The following ADAMTSL1 variants were observed in gnomAD, a reference collection of about 807,000 sequenced individuals.
The protein encoded by ADAMTSL1 is ADAMTS-like protein 1.
ADAMTSL1 carries 126 observed loss-of-function variants against 201.8 expected under a neutral mutation model. The ratio of observed to expected loss-of-function variants is 0.62; its 90% CI spans 0.54 to 0.72. The LOEUF (loss-of-function observed/expected upper bound fraction) is 0.72, where lower values mean the gene tolerates loss of function less well. Ranked by LOEUF, ADAMTSL1 falls within the 30% of genes least tolerant of loss-of-function variation. The pLI, the probability that ADAMTSL1 is intolerant of heterozygous loss-of-function variation, is 0.00. For missense variants in ADAMTSL1, 2,679 were observed against 2,277.8 expected (o/e 1.18, Z -3.59); for synonymous variants, 1,121 against 903.4 (o/e 1.24, Z -4.32).
At chr9:18,223,973 C>A (rs528428480) in intron 2 of ADAMTSL1, among the ~76,000 whole-genome samples, 2 of 152,152 alleles carry the variant, frequency 1.3e-5, no homozygotes, top group Non-Finnish European at 2.9e-5. Flanking sequence ...TTTAAAAAGC[C>A]ACAGATGTTA....
At chr9:18,409,964 T>C (rs2133306993) in intron 2 of ADAMTSL1, among the ~76,000 whole-genome samples, 1 of 151,748 alleles carries the variant, frequency 6.6e-6, no homozygotes, top group Admixed American at 6.6e-5. Flanking sequence ...TACGTTATAA[T>C]ACAGTCCCAA....
intron 23 of ADAMTSL1, among the ~76,000 whole-genome samples, chr9:18,833,572 T>C (rs1825130604): frequency 6.6e-6 from 1 of 152,234 alleles, no homozygotes; most frequent in Non-Finnish European, 1.5e-5. Flanking sequence ...TAAATTTAAG[T>C]TCCTTATAGA....
chr9:18,498,581 G>A (rs569789141), intron 1 of ADAMTSL1, among the ~76,000 whole-genome samples: 11 of 152,094 alleles, frequency 7.2e-5, no homozygotes, highest in Middle Eastern at 6.8e-3. Context: ...CAGCTGATCC[G>A]CCCGCCTCGG....
chr9:18,315,192 C>G (rs9987494), intron 2 of ADAMTSL1, among the ~76,000 whole-genome samples: 41,135 of 151,876 alleles, frequency 0.27, 6,345 homozygotes, highest in Admixed American at 0.47. Context: ...ACACAGAGTG[C>G]TGATTGGAGC....
At chr9:18,703,355 A>G (rs1274681096) in intron 13 of ADAMTSL1, among the ~76,000 whole-genome samples, 3 of 152,134 alleles carry the variant, frequency 2.0e-5, no homozygotes, top group African/African-American at 4.8e-5. Flanking sequence ...AAAGCCTCCT[A>G]TGAAAAACAG....
At chr9:18,591,328 T>C (rs1203207579) in intron 4 of ADAMTSL1, among the ~76,000 whole-genome samples, 1 of 152,222 alleles carries the variant, frequency 6.6e-6, no homozygotes, top group Non-Finnish European at 1.5e-5. Flanking sequence ...ATGATGTAAG[T>C]TGAGCTACTT....
At chr9:18,528,308 GC>G (rs1370529225) in intron 2 of ADAMTSL1, among the ~76,000 whole-genome samples, 1 of 152,062 alleles carries the variant, frequency 6.6e-6, no homozygotes, top group Non-Finnish European at 1.5e-5. Context: ...TAGGTATTGA[GC>G]CCAGCATTCA....
chr9:18,566,878 C>A (rs774827771), intron 3 of ADAMTSL1, among the ~76,000 whole-genome samples: 3 of 152,134 alleles, frequency 2.0e-5, no homozygotes, highest in African/African-American at 4.8e-5. Flanking sequence ...GACATGATGG[C>A]TCCTTGGACT....
At chr9:18,482,546 ACATCCTGACATAAATTC>A (rs1821781387) in intron 1 of ADAMTSL1, among the ~76,000 whole-genome samples, 1 of 152,216 alleles carries the variant, frequency 6.6e-6, no homozygotes, top group Non-Finnish European at 1.5e-5. Flanking sequence ...ATAACCTAAG[ACATCCTGACATAAATTC>A]CAAGAGCACT....
chr9:18,710,415 C>T (rs573265903), intron 14 of ADAMTSL1, among the ~76,000 whole-genome samples: 47 of 152,350 alleles, frequency 3.1e-4, no homozygotes, highest in African/African-American at 1.1e-3. Context: ...AGAGATTTAA[C>T]ACACAGCACT....
chr9:18,336,501 TAAC>T (rs1563895262), intron 2 of ADAMTSL1, among the ~76,000 whole-genome samples: 1 of 152,138 alleles, frequency 6.6e-6, no homozygotes, highest in Non-Finnish European at 1.5e-5. Flanking sequence ...ATGTTGAAGA[TAAC>T]AATCTGCAGG....
rs185135643 is a variant in ADAMTSL1 at position 18,762,803 on chromosome 9, C to G, written c.2218-7799C>G. Reference sequence around the variant, plus strand: ...TCAGTTAACATAATAACCTCCAGTTCCATCCATGTTGTTGCACATGACTGG... The same window carrying G: ...TCAGTTAACATAATAACCTCCAGTTGCATCCATGTTGTTGCACATGACTGG... On this transcript the variant is annotated intron_variant, in intron 16 of 28. Coordinates refer to ENST00000380548, the MANE Select transcript of ADAMTSL1 (RefSeq NM_001040272.6). Among the ~76,000 whole-genome samples, 129 of 152,278 alleles carry G rather than the reference C, an allele frequency of 8.5e-4. 1 individual carries two copies. The highest frequency in any genetic ancestry group is 7.5e-3 in the South Asian group (36 of 4,826).
At chr9:17,949,077 G>A (rs1354006471) in intron 1 of ADAMTSL1, among the ~76,000 whole-genome samples, 1 of 152,188 alleles carries the variant, frequency 6.6e-6, no homozygotes, top group East Asian at 1.9e-4. Context: ...CCTAAGTATA[G>A]AATGAAGGTA....
intron 2 of ADAMTSL1, among the ~76,000 whole-genome samples, chr9:18,342,498 T>C (rs1471691769): frequency 2.0e-5 from 3 of 152,196 alleles, no homozygotes; most frequent in East Asian, 3.9e-4. Flanking sequence ...TGTCTCATTT[T>C]AGTTACATCT....
chr9:18,323,882 T>C (rs1176617062), intron 2 of ADAMTSL1, among the ~76,000 whole-genome samples: 1 of 152,136 alleles, frequency 6.6e-6, no homozygotes, highest in Non-Finnish European at 1.5e-5. Flanking sequence ...AAGATTCAAA[T>C]TGTTAAAGAT....
intron 2 of ADAMTSL1, among the ~76,000 whole-genome samples, chr9:18,387,975 G>T (rs918291005): frequency 2.3e-5 from 3 of 128,768 alleles, no homozygotes; most frequent in African/African-American, 7.6e-5. Flanking sequence ...ATTCAAAATT[G>T]CTGTACCTTT....
At chr9:18,631,772 G>A (rs1388055110) in intron 5 of ADAMTSL1, among the ~76,000 whole-genome samples, 5 of 151,992 alleles carry the variant, frequency 3.3e-5, no homozygotes, top group Admixed American at 3.3e-4. Flanking sequence ...ATACTTTTAG[G>A]TACAGTCCTT....
At chr9:18,587,311 T>C (rs913812529) in intron 4 of ADAMTSL1, among the ~76,000 whole-genome samples, 1 of 152,166 alleles carries the variant, frequency 6.6e-6, no homozygotes, top group Non-Finnish European at 1.5e-5. Context: ...AACAGGCACA[T>C]TTCAAAAGAT....
At chr9:18,646,783 C>G (rs369438828) in intron 7 of ADAMTSL1, among the ~76,000 whole-genome samples, 1 of 152,070 alleles carries the variant, frequency 6.6e-6, no homozygotes, top group African/African-American at 2.4e-5. Context: ...CTGCTGGATT[C>G]GGTTTGCCAG....
Sources: gnomAD v4.1 joint callset for allele counts (sites outside exome capture counted in the v4.1 genomes callset) on GRCh38, gnomAD v4.1.1 for gene constraint, MANE v1.5 for transcripts, NCBI Gene and HGNC (gene_info 2026-07-23, HGNC 2026-07-21) for gene names.